DCT: variants seen among roughly 807,000 people sequenced by gnomAD.
The protein encoded by DCT is L-dopachrome tautomerase.
In DCT, 47 loss-of-function variants were observed where a neutral mutation model predicts 53.0. That is an observed-to-expected ratio of 0.89 (90% confidence interval 0.70 to 1.13). The LOEUF (loss-of-function observed/expected upper bound fraction) is 1.13. Among genes scored for constraint, DCT ranks in the 50% most tolerant of loss-of-function variants. The pLI, the probability that DCT is intolerant of heterozygous loss-of-function variation, is 0.00. For missense variants in DCT, 669 were observed against 637.4 expected, an observed-to-expected ratio of 1.05 and a Z score of -0.53; for synonymous variants, 244 against 237.0, an observed-to-expected ratio of 1.03 and a Z score of -0.27.
At chr13:94,507,088 A>G in the DCT span, among the ~76,000 whole-genome samples, 1 of 152,188 alleles carries the variant, frequency 6.6e-6, no homozygotes, top group Non-Finnish European at 1.5e-5. Context: ...CAGACCAAGG[A>G]GAATATGGAG....
chr13:94,468,635 G>A, intron 2 of DCT, 111 bp downstream of exon 2: 1 of 943,696 alleles, frequency 1.1e-6, no homozygotes, highest in Non-Finnish European at 1.6e-6. Flanking sequence ...ACCTAAGGCT[G>A]CCTTGTGGTT....
the DCT span, among the ~76,000 whole-genome samples, chr13:94,548,195 T>C: frequency 6.6e-6 from 1 of 151,914 alleles, no homozygotes; most frequent in African/African-American, 2.4e-5. Flanking sequence ...AGCTTATGCT[T>C]AATTCTTGCA....
chr13:94,443,664 A>C, intron 6 of DCT, 27 bp from the exon 7 acceptor site: 1 of 1,569,112 alleles, frequency 6.4e-7, no homozygotes, highest in Non-Finnish European at 8.8e-7. Context: ...CACAGCATTT[A>C]ACATAAATCA....
At chr13:94,445,703 C>T in intron 6 of DCT, 1 of 1,563,906 alleles carries the variant, frequency 6.4e-7, no homozygotes, top group Non-Finnish European at 8.7e-7. Context: ...GTAGAGCCTC[C>T]CAGGCTCATG....
At chr13:94,459,974 G>T in intron 6 of DCT, 117 bp downstream of exon 6, 1 of 1,110,106 alleles carries the variant, frequency 9.0e-7, no homozygotes, top group Non-Finnish European at 1.3e-6. Flanking sequence ...ATTTACATTT[G>T]CACACATCAC....
chr13:94,475,330 A>G (rs1417681058), intron 1 of DCT, among the ~76,000 whole-genome samples: 2 of 152,238 alleles, frequency 1.3e-5, no homozygotes, highest in African/African-American at 4.8e-5. Context: ...TGACAATACA[A>G]TGGAATATTA....
intron 4 of DCT, 199 bp downstream of exon 4, chr13:94,465,434 T>G (rs955253791): frequency 3.2e-5 from 11 of 346,950 alleles, no homozygotes; most frequent in Non-Finnish European, 4.4e-5. Context: ...AATTCACAAA[T>G]GTGATTTTGA....
the DCT span, among the ~76,000 whole-genome samples, chr13:94,527,686 A>G: frequency 1.3e-5 from 2 of 152,248 alleles, no homozygotes; most frequent in Non-Finnish European, 2.9e-5. Context: ...GGGAGAAACC[A>G]GAGCAGAAAA....
At chr13:94,541,637 G>C in the DCT span, among the ~76,000 whole-genome samples, 1 of 152,132 alleles carries the variant, frequency 6.6e-6, no homozygotes, top group Non-Finnish European at 1.5e-5. Flanking sequence ...AATTACTTCT[G>C]CACCCACCTA....
the DCT span, among the ~76,000 whole-genome samples, chr13:94,506,967 T>C: frequency 2.0e-5 from 3 of 152,220 alleles, no homozygotes; most frequent in African/African-American, 7.2e-5. Context: ...ATTATCTTAC[T>C]CTATTGAGCT....
the DCT span, among the ~76,000 whole-genome samples, chr13:94,539,463 T>C: frequency 3.3e-5 from 5 of 151,518 alleles, no homozygotes. Context: ...AGAGGAATGT[T>C]TCTTCTGTGT....
the DCT span, among the ~76,000 whole-genome samples, chr13:94,532,223 T>G: frequency 6.6e-6 from 1 of 152,208 alleles, no homozygotes; most frequent in Non-Finnish European, 1.5e-5. Flanking sequence ...TGGAAGACAG[T>G]GTGGCGATTC....
chr13:94,537,004 A>G, the DCT span, among the ~76,000 whole-genome samples: 1 of 152,300 alleles, frequency 6.6e-6, no homozygotes, highest in Middle Eastern at 3.4e-3. Context: ...TGTGGGTGCC[A>G]TGTTTGCCCA....
upstream of DCT, among the ~76,000 whole-genome samples, chr13:94,483,093 G>A (rs1469131411): frequency 6.6e-6 from 1 of 151,742 alleles, no homozygotes; most frequent in African/African-American, 2.4e-5. Flanking sequence ...GGGCAACATG[G>A]TGAAACCCCA....
chr13:94,476,172 G>T (rs981022970), intron 1 of DCT, among the ~76,000 whole-genome samples: 1 of 149,340 alleles, frequency 6.7e-6, no homozygotes, highest in Non-Finnish European at 1.5e-5. Context: ...TTAGAGCAGG[G>T]GGAGCCTCTT....
the DCT span, among the ~76,000 whole-genome samples, chr13:94,502,978 G>C: frequency 1.3e-5 from 2 of 152,276 alleles, no homozygotes; most frequent in South Asian, 4.1e-4. Context: ...ATAAAATATT[G>C]TTAGAAACAC....
chr13:94,491,537 T>C, the DCT span, among the ~76,000 whole-genome samples: 5 of 152,188 alleles, frequency 3.3e-5, no homozygotes, highest in Admixed American at 3.3e-4. Flanking sequence ...AAGGACACAA[T>C]TCAACAGATA....
chr13:94,513,413 G>A, the DCT span, among the ~76,000 whole-genome samples: 15 of 152,194 alleles, frequency 9.9e-5, no homozygotes, highest in Non-Finnish European at 1.5e-4. Context: ...CAGTTTTATC[G>A]GTGTCTGTGG....
At chr13:94,520,301 G>A in the DCT span, among the ~76,000 whole-genome samples, 1 of 152,118 alleles carries the variant, frequency 6.6e-6, no homozygotes, top group East Asian at 1.9e-4. Flanking sequence ...TTAATTAGCT[G>A]CCCACAATTC....
Sources: gnomAD v4.1 joint callset for allele counts (sites outside exome capture counted in the v4.1 genomes callset) on GRCh38, gnomAD v4.1.1 for gene constraint, MANE v1.5 for transcripts, NCBI Gene and HGNC (gene_info 2026-07-23, HGNC 2026-07-21) for gene names.